The following IP6K1 variants were observed in gnomAD, a reference collection of about 807,000 sequenced individuals.
IP6K1 encodes the protein ATP:1D-myo-inositol-hexakisphosphate phosphotransferase.
IP6K1 carries 13 observed loss-of-function variants against 38.3 expected under a neutral mutation model. The ratio of observed to expected loss-of-function variants is 0.34; its 90% confidence interval spans 0.22 to 0.54. The LOEUF (loss-of-function observed/expected upper bound fraction) is 0.54. Among genes scored for constraint, IP6K1 ranks in the 20% least tolerant of loss-of-function variants. IP6K1 has a pLI of 0.92. For missense variants in IP6K1, 397 were observed against 599.8 expected (o/e 0.66, Z 3.53); for synonymous variants, 212 against 229.9 (o/e 0.92, Z 0.70).
chr3:49,735,066 C>G (rs2080596400), intron 3 of IP6K1, among the ~76,000 whole-genome samples: 1 of 152,196 alleles, frequency 6.6e-6, no homozygotes, highest in African/African-American at 2.4e-5. Context: ...AAAAAAAGCC[C>G]ACTCTAGACT....
chr3:49,741,651 T>A (rs903503281), intron 2 of IP6K1, among the ~76,000 whole-genome samples: 1 of 152,228 alleles, frequency 6.6e-6, no homozygotes. Context: ...CCAAACACTT[T>A]ATAAATGTAG....
In IP6K1 at chr3:49,756,845, AAAAG is replaced by A. The variant is rs1282467416; in HGVS notation, c.-128-8681_-128-8678del. On this transcript the variant is annotated intron_variant, in intron 1 of 5. Transcript: ENST00000321599. ...AAAAAAAAAAAAAAAAAAAAAAGAA[AAAAG>A]AAAGAAAGGAGAAACAAAGGTGCTG... Among the ~76,000 whole-genome samples the A allele has an allele frequency of 8.0e-3, 1,203 of 150,582 alleles. 6 individuals carry two copies. Among genetic ancestry groups the A allele is most frequent in the Middle Eastern group, 0.027 (8 of 292 alleles).
chr3:49,755,231 C>T (rs1215281773), intron 1 of IP6K1, among the ~76,000 whole-genome samples: 1 of 151,864 alleles, frequency 6.6e-6, no homozygotes, highest in Admixed American at 6.6e-5. Flanking sequence ...GCCACCATGC[C>T]CAGCCACATT....
chr3:49,745,818 C>A (rs1575312051), intron 2 of IP6K1, among the ~76,000 whole-genome samples: 1 of 146,940 alleles, frequency 6.8e-6, no homozygotes, highest in African/African-American at 2.5e-5. Context: ...CGTGCCACTG[C>A]ACTCCAGCCT....
At chr3:49,742,880 G>A (rs781659823) in intron 2 of IP6K1, among the ~76,000 whole-genome samples, 26 of 151,926 alleles carry the variant, frequency 1.7e-4, no homozygotes, top group Non-Finnish European at 2.8e-4. Context: ...AACAGAGTGA[G>A]ACCCTGTCTC....
At chr3:49,785,657 C>G (rs1377797149) in intron 1 of IP6K1, 1 of 152,228 alleles carries the variant, frequency 6.6e-6, no homozygotes, top group Non-Finnish European at 1.5e-5. Flanking sequence ...CAAGTCATCA[C>G]CATAATACTC....
intron 1 of IP6K1, among the ~76,000 whole-genome samples, chr3:49,784,216 T>C (rs879433573): frequency 1.1e-4 from 16 of 151,928 alleles, no homozygotes; most frequent in Non-Finnish European, 2.2e-4. Flanking sequence ...GGCTAATCTC[T>C]TAACTACTGA....
At chr3:49,777,587 T>C (rs907933876) in intron 1 of IP6K1, among the ~76,000 whole-genome samples, 2 of 145,344 alleles carry the variant, frequency 1.4e-5, no homozygotes, top group Non-Finnish European at 3.0e-5. Flanking sequence ...AAAAGAAAAA[T>C]TATACCACAA....
intron 1 of IP6K1, among the ~76,000 whole-genome samples, chr3:49,773,986 C>A (rs1004632271): frequency 1.5e-5 from 2 of 132,814 alleles, no homozygotes; most frequent in African/African-American, 6.4e-5. Flanking sequence ...CTAAAACACA[C>A]ACACACACAC....
intron 2 of IP6K1, among the ~76,000 whole-genome samples, chr3:49,746,410 G>T: frequency 6.8e-6 from 1 of 148,106 alleles, no homozygotes; most frequent in Non-Finnish European, 1.5e-5. Context: ...GGTGGCTCAC[G>T]CTTGTAATCC....
At chr3:49,759,123 C>T (rs965737529) in intron 1 of IP6K1, among the ~76,000 whole-genome samples, 1 of 152,014 alleles carries the variant, frequency 6.6e-6, no homozygotes, top group African/African-American at 2.4e-5. Context: ...AATGACACCA[C>T]AAAACTGTTA....
intron 1 of IP6K1, among the ~76,000 whole-genome samples, chr3:49,748,513 C>T (rs2080743915): frequency 6.6e-6 from 1 of 152,082 alleles, no homozygotes; most frequent in African/African-American, 2.4e-5. Context: ...AAGATGAGAT[C>T]AGAAAAAAAC....
intron 1 of IP6K1, among the ~76,000 whole-genome samples, chr3:49,767,169 G>A (rs1439635825): frequency 1.3e-5 from 2 of 151,732 alleles, no homozygotes; most frequent in Non-Finnish European, 2.9e-5. Flanking sequence ...TCGGCTACTT[G>A]GAAGGCTGAG....
chr3:49,756,817 CAAA>C (rs59808252), intron 1 of IP6K1, among the ~76,000 whole-genome samples: 4 of 133,266 alleles, frequency 3.0e-5, no homozygotes, highest in East Asian at 4.2e-4. Context: ...AACTCCATCT[CAAA>C]AAAAAAAAAA....
At chr3:49,751,598 T>C (rs1017456623) in intron 1 of IP6K1, among the ~76,000 whole-genome samples, 2 of 152,208 alleles carry the variant, frequency 1.3e-5, no homozygotes, top group Admixed American at 6.5e-5. Flanking sequence ...TGCTACTTCA[T>C]TGCTAATAGA....
At chr3:49,759,469 T>C (rs968350731) in intron 1 of IP6K1, among the ~76,000 whole-genome samples, 1 of 152,200 alleles carries the variant, frequency 6.6e-6, no homozygotes, top group Non-Finnish European at 1.5e-5. Flanking sequence ...TAGCATCCTG[T>C]GTTCCTATTG....
intron 2 of IP6K1, among the ~76,000 whole-genome samples, chr3:49,739,886 G>A (rs572891136): frequency 5.9e-5 from 9 of 152,104 alleles, no homozygotes; most frequent in South Asian, 2.1e-4. Context: ...ATGGTGGTGC[G>A]TGCCTATAAT....
chr3:49,741,475 TCAAGCCCTTTGTG>T (rs1234855395), intron 2 of IP6K1, among the ~76,000 whole-genome samples: 11 of 151,888 alleles, frequency 7.2e-5, no homozygotes. Flanking sequence ...AAATCTCTAT[TCAAGCCCTTTGTG>T]CAGTTTTGAA....
intron 1 of IP6K1, among the ~76,000 whole-genome samples, chr3:49,783,535 A>AC (rs1447691899): frequency 1.3e-5 from 2 of 151,616 alleles, no homozygotes; most frequent in African/African-American, 4.9e-5. Flanking sequence ...ACACGGTGAA[A>AC]CCCCGTCTCT....
Sources: allele counts gnomAD v4.1 joint callset (sites outside exome capture counted in the v4.1 genomes callset), GRCh38; gene constraint gnomAD v4.1.1; transcripts MANE v1.5; gene names NCBI Gene and HGNC (gene_info 2026-07-23, HGNC 2026-07-21).